The following RAB11FIP3 variants were observed in gnomAD, a reference collection of about 807,000 sequenced individuals.
The protein encoded by RAB11FIP3 is RAB11 family interacting protein 3.
A neutral mutation model predicts 77.8 loss-of-function variants in RAB11FIP3; 17 were observed. The observed-to-expected ratio is 0.22, with a 90% CI of 0.15 to 0.33. The LOEUF (loss-of-function observed/expected upper bound fraction) is 0.33. RAB11FIP3 is among the 10% of genes least tolerant of loss of function. RAB11FIP3 has a pLI of 1.00. For missense variants in RAB11FIP3, 1,005 were observed against 1,011.2 expected (o/e 0.99, Z 0.08); for synonymous variants, 437 against 448.2 (o/e 0.98, Z 0.31).
chr16:482,420 T>G, intron 3 of RAB11FIP3, 105 bp from the exon 4 acceptor site: 1 of 1,055,446 alleles, frequency 9.5e-7, no homozygotes, highest in Non-Finnish European at 1.5e-6. Flanking sequence ...GTCAGACCCC[T>G]CCCTCCACAC....
intron 1 of RAB11FIP3, among the ~76,000 whole-genome samples, chr16:449,126 C>T (rs542086697): frequency 4.6e-5 from 7 of 152,198 alleles, no homozygotes; most frequent in African/African-American, 1.7e-4. Context: ...CCCCTCCAAC[C>T]TCACTTCCAG....
At chr16:492,116 C>T (rs749585442) in intron 5 of RAB11FIP3, among the ~76,000 whole-genome samples, 7 of 152,244 alleles carry the variant, frequency 4.6e-5, no homozygotes, top group Non-Finnish European at 7.3e-5. Context: ...TCTGCCGAGG[C>T]ACATCCTTGC....
intron 1 of RAB11FIP3, among the ~76,000 whole-genome samples, chr16:442,444 G>T (rs188181708): frequency 2.0e-5 from 3 of 152,146 alleles, no homozygotes; most frequent in South Asian, 2.1e-4. Flanking sequence ...TCGTGAAGGG[G>T]GTTGCTATTT....
At chr16:449,891 C>T (rs1177369010) in intron 1 of RAB11FIP3, among the ~76,000 whole-genome samples, 1 of 151,422 alleles carries the variant, frequency 6.6e-6, no homozygotes, top group East Asian at 2.0e-4. Flanking sequence ...GCAGAGGTTG[C>T]AGTGAGCCAA....
At position 492,360 on chromosome 16, in the gene RAB11FIP3, T is replaced by TCCAGAGCC; in HGVS notation, c.1265+3361_1265+3362insCAGAGCCC. 3.5e-4 allele frequency among the ~76,000 whole-genome samples: 9 copies of TCCAGAGCC among 25,634 alleles called. 1 individual carries two copies. The East Asian group carries it at 5.7e-3, about 16-fold the overall frequency. 16.8% of individuals were successfully genotyped at this position (25,634 alleles called of 152,430 possible). A position where few individuals can be genotyped will look rare whatever the true frequency, so the allele number is the denominator to read the frequency against. On this transcript the variant is annotated intron_variant, in intron 5 of 13. Transcript: ENST00000262305. ...AAGCAGAAGTGCTCTTTGAAGAGGG[T>TCCAGAGCC]CTTCCCGGGAGACCCGAGGCCGCCC...
chr16:498,467 A>G (rs893229241), intron 6 of RAB11FIP3, among the ~76,000 whole-genome samples: 2 of 151,890 alleles, frequency 1.3e-5, no homozygotes, highest in African/African-American at 4.8e-5. Flanking sequence ...GAGCCGTCAC[A>G]CCTGGCCATG....
intron 4 of RAB11FIP3, among the ~76,000 whole-genome samples, chr16:483,531 A>AT (rs1189439774): frequency 2.0e-5 from 3 of 152,220 alleles, no homozygotes; most frequent in African/African-American, 7.2e-5. Flanking sequence ...GTAGCATCAC[A>AT]TGACAGGTGG....
intron 3 of RAB11FIP3, chr16:477,801 C>A: frequency 2.3e-6 from 1 of 443,442 alleles, no homozygotes; most frequent in Non-Finnish European, 3.0e-6. Context: ...AGAGTAGGTA[C>A]ACTTCACAGC....
At chr16:432,445 C>T (rs2055052644) in intron 1 of RAB11FIP3, among the ~76,000 whole-genome samples, 1 of 151,872 alleles carries the variant, frequency 6.6e-6, no homozygotes, top group Non-Finnish European at 1.5e-5. Context: ...ATAAGGAGCC[C>T]TTGTAATCCC....
chr16:455,082 C>CTT (rs764140198), intron 1 of RAB11FIP3, among the ~76,000 whole-genome samples: 1 of 136,328 alleles, frequency 7.3e-6, no homozygotes, highest in Non-Finnish European at 1.6e-5. Context: ...GGCTTTCTTT[C>CTT]TTTTTTTTTT....
At chr16:443,815 TG>T (rs1352641297) in intron 1 of RAB11FIP3, among the ~76,000 whole-genome samples, 3 of 152,200 alleles carry the variant, frequency 2.0e-5, no homozygotes, top group Non-Finnish European at 4.4e-5. Context: ...CCGCCCGCCT[TG>T]GCCTCCCAAA....
intron 1 of RAB11FIP3, among the ~76,000 whole-genome samples, chr16:449,285 G>A (rs2055368922): frequency 6.6e-6 from 1 of 152,206 alleles, no homozygotes; most frequent in African/African-American, 2.4e-5. Context: ...AGGCGGGACA[G>A]AGTGTCGGGC....
chr16:487,216 C>T (rs1045636728), intron 4 of RAB11FIP3, among the ~76,000 whole-genome samples: 4 of 151,716 alleles, frequency 2.6e-5, no homozygotes, highest in African/African-American at 7.3e-5. Context: ...CTGCCATCTC[C>T]GCCTCCCAGG....
At chr16:518,742 AT>A (rs1386901703) in intron 9 of RAB11FIP3, among the ~76,000 whole-genome samples, 200 bp from the exon 10 acceptor site, 13 of 151,282 alleles carry the variant, frequency 8.6e-5, no homozygotes, top group African/African-American at 3.2e-4. Context: ...AAATAAAAAA[AT>A]AATACTAAAA....
chr16:486,646 T>G (rs1467260925), intron 4 of RAB11FIP3, among the ~76,000 whole-genome samples: 2 of 152,290 alleles, frequency 1.3e-5, no homozygotes, highest in East Asian at 3.9e-4. Context: ...GTTCATACAG[T>G]CTCTGCCGTG....
At chr16:463,011 G>A (rs888750861) in intron 2 of RAB11FIP3, among the ~76,000 whole-genome samples, 6 of 152,222 alleles carry the variant, frequency 3.9e-5, no homozygotes, top group African/African-American at 9.6e-5. Context: ...GTGTGGATGC[G>A]TGTCTTCAAG....
rs2055822714 is a variant in RAB11FIP3, at chr16:472,265, C to T, written c.903+876C>T. On this transcript the variant is annotated intron_variant, in intron 3 of 13. Coordinates refer to ENST00000262305, the MANE Select transcript of RAB11FIP3 (RefSeq NM_014700.4). This position sits in a 1 kb window ranked among gnomAD's most constrained non-coding sequence, Gnocchi z 4.1. ...GCCCCAGGGATTAGTCACCCTCACC[C>T]TTGGGTGGGCAGCTTAACTTCTGCC... Among the ~76,000 whole-genome samples, 1 of 152,216 alleles carries T rather than the reference C, an allele frequency of 6.6e-6. No individual in the cohort carries two copies. Among genetic ancestry groups the T allele is most frequent in the Non-Finnish European group, 1.5e-5 (1 of 68,020 alleles).
chr16:439,821 CAGAT>C (rs1441260903), intron 1 of RAB11FIP3, among the ~76,000 whole-genome samples: 1 of 151,704 alleles, frequency 6.6e-6, no homozygotes, highest in Non-Finnish European at 1.5e-5. Context: ...TTCCAGGTCA[CAGAT>C]AGGTGAGAGA....
intron 1 of RAB11FIP3, among the ~76,000 whole-genome samples, chr16:436,577 GT>G (rs2055131712): frequency 6.6e-6 from 1 of 152,062 alleles, no homozygotes; most frequent in South Asian, 2.1e-4. Flanking sequence ...CACCTCCCAG[GT>G]TCAAGAGATT....
Sources: gnomAD v4.1 joint callset for allele counts (sites outside exome capture counted in the v4.1 genomes callset) on GRCh38, gnomAD v4.1.1 for gene constraint, Gnocchi (gnomAD v3.1) non-coding constraint, MANE v1.5 for transcripts, NCBI Gene and HGNC (gene_info 2026-07-23, HGNC 2026-07-21) for gene names.